The following DPYSL5 variants were observed in gnomAD, a reference collection of about 807,000 sequenced individuals.
DPYSL5 encodes the protein dihydropyrimidinase like 5.
In DPYSL5, 9 loss-of-function variants were observed where a neutral mutation model predicts 58.4. That is an observed-to-expected ratio of 0.15 (90% CI 0.09 to 0.27). DPYSL5 has a LOEUF of 0.27. DPYSL5 is among the 10% of genes least tolerant of loss of function. The probability of loss-of-function intolerance (pLI) is 1.00; values close to 1 mark genes in which losing one functional copy is unlikely to be tolerated. For missense variants in DPYSL5, 499 were observed against 770.6 expected, an observed-to-expected ratio of 0.65 and a Z score of 4.17; for synonymous variants, 293 against 301.9, an observed-to-expected ratio of 0.97 and a Z score of 0.31.
In DPYSL5 at chr2:26,905,795, C is replaced by T. The variant is rs537205462; in HGVS notation, c.261+7035C>T. Among the ~76,000 whole-genome samples the T allele has an allele frequency of 3.3e-5, 5 of 152,308 alleles. No individual in the cohort carries two copies. In the South Asian group the frequency reaches 1.0e-3, roughly 32 times the overall value. ...GGTATATTAGTTTTCTGCTGTGTAA[C>T]TAATTGCCTCAAGTTCAGCAATTTA... is the stretch of plus-strand genomic sequence containing the variant. On this transcript the variant is annotated intron_variant, in intron 2 of 12. Transcript: ENST00000288699. This position sits in a 1 kb window ranked among gnomAD's most constrained non-coding sequence, Gnocchi z 4.0.
intron 1 of DPYSL5, among the ~76,000 whole-genome samples, chr2:26,863,011 C>T (rs997812911): frequency 2.0e-5 from 3 of 152,142 alleles, no homozygotes; most frequent in Non-Finnish European, 4.4e-5. Flanking sequence ...GACCCTGTAG[C>T]ATCTGACACA....
rs1664879751 is a variant in DPYSL5, at chr2:26,928,406, T to C, written c.669+83T>C. On this transcript the variant is annotated intron_variant, in intron 5 of 12. Coordinates refer to ENST00000288699, the MANE Select transcript of DPYSL5 (RefSeq NM_020134.4). ...TCCAGGATGGAGGAGACATCAAACA[T>C]ACAAATTAGCCAGGCACAAGGGCTC... The C allele has an allele frequency of 9.5e-6, 14 of 1,473,162 alleles. No homozygotes were observed. The East Asian group carries it at 2.3e-4, about 25-fold the overall frequency. 91.3% of individuals were successfully genotyped at this position (1,473,162 alleles called of 1,614,324 possible).
At chr2:26,931,193 GTGTGTGTGTGTA>G (rs1307432041) in intron 5 of DPYSL5, among the ~76,000 whole-genome samples, 2 of 55,744 alleles carry the variant, frequency 3.6e-5, no homozygotes, top group Non-Finnish European at 8.0e-5. Flanking sequence ...GTGTGTGTGT[GTGTGTGTGTGTA>G]TATATATATA....
chr2:26,920,179 CT>C (rs59629403), intron 2 of DPYSL5, among the ~76,000 whole-genome samples: 149,051 of 151,798 alleles, frequency 0.98, 73,247 homozygotes, highest in East Asian at 1. Context: ...TATTTCATTT[CT>C]TTTTTTTTAA....
rs543091627 is a variant in DPYSL5, at chr2:26,905,479, A to T, written c.261+6719A>T. ...CCACTGTGCACCGAGTGCCCATGCT[A>T]CCTGTGTCCCTGGGCTTGGCCAGCA... is the stretch of plus-strand genomic sequence containing the variant. On this transcript the variant is annotated intron_variant, in intron 2 of 12. Transcript: ENST00000288699. This position sits in a 1 kb window ranked among gnomAD's most constrained non-coding sequence, Gnocchi z 4.0. Among the ~76,000 whole-genome samples the T allele has an allele frequency of 6.6e-6, 1 of 152,124 alleles. No individual in the cohort carries two copies. Among genetic ancestry groups the T allele is most frequent in the East Asian group, 1.9e-4 (1 of 5,164 alleles).
chr2:26,895,951 T>C (rs1325308863), intron 1 of DPYSL5, among the ~76,000 whole-genome samples: 3 of 151,840 alleles, frequency 2.0e-5, no homozygotes, highest in Non-Finnish European at 2.9e-5. Context: ...GGCTAGTTCT[T>C]GTATTTTTAG....
intron 1 of DPYSL5, among the ~76,000 whole-genome samples, chr2:26,880,140 T>C (rs575265451): frequency 2.1e-3 from 316 of 152,288 alleles, no homozygotes; most frequent in African/African-American, 7.4e-3. Context: ...TCCTCCTGCC[T>C]CAGCCTCCCC....
At chr2:26,874,657 G>C (rs1170259045) in intron 1 of DPYSL5, among the ~76,000 whole-genome samples, 1 of 152,226 alleles carries the variant, frequency 6.6e-6, no homozygotes, top group Non-Finnish European at 1.5e-5. Flanking sequence ...TAAAAAAGCA[G>C]GAGGTGTCTG....
chr2:26,901,751 C>T (rs1247976429), intron 2 of DPYSL5, among the ~76,000 whole-genome samples: 1 of 152,126 alleles, frequency 6.6e-6, no homozygotes, highest in African/African-American at 2.4e-5. Flanking sequence ...GCCCTGAACC[C>T]TGCACACAAC....
rs1219001814 is a variant in DPYSL5 at position 26,934,161 on chromosome 2, A to C, written c.791-417A>C. On this transcript the variant is annotated intron_variant, in intron 7 of 12. Transcript: ENST00000288699. The surrounding 1 kb of genome is among the most constrained non-coding windows in gnomAD (Gnocchi z 4.3). ...GCTACGGCCCTCCCTGTCCTACCAC[A>C]ACCGTTCTCTTGAAGCTGCTCACAG... Among the ~76,000 whole-genome samples, 1 of 152,018 alleles carries C rather than the reference A, an allele frequency of 6.6e-6. No individual in the cohort carries two copies. Among genetic ancestry groups the C allele is most frequent in the African/African-American group, 2.4e-5 (1 of 41,378 alleles).
At chr2:26,939,867 T>C (rs1459010641) in intron 8 of DPYSL5, 164 bp from the exon 9 acceptor site, 10 of 809,798 alleles carry the variant, frequency 1.2e-5, no homozygotes, top group South Asian at 7.0e-5. Flanking sequence ...GAGGTTCACA[T>C]AGATGCAGTA....
At chr2:26,932,085 A>AAAG (rs1244335392) in intron 6 of DPYSL5, among the ~76,000 whole-genome samples, 31 of 56,110 alleles carry the variant, frequency 5.5e-4, no homozygotes, top group Middle Eastern at 9.6e-3. Context: ...AAGAAAGAAA[A>AAAG]GAAAAAAGAA....
chr2:26,891,467 G>T (rs930029242), intron 1 of DPYSL5, among the ~76,000 whole-genome samples: 3 of 151,992 alleles, frequency 2.0e-5, no homozygotes, highest in African/African-American at 7.3e-5. Context: ...GTTAGCCTCC[G>T]GAGACTTCCA....
intron 2 of DPYSL5, among the ~76,000 whole-genome samples, chr2:26,904,229 A>G (rs747668536): frequency 3.3e-5 from 5 of 152,142 alleles, no homozygotes; most frequent in Non-Finnish European, 7.4e-5. Flanking sequence ...ATGTGCCGCT[A>G]GGACATAAAT....
In DPYSL5 at chr2:26,934,873, C is replaced by A; in HGVS notation, c.947+139C>A. ...TTGTGCTTTTCTTACCTTCTCTGAG[C>A]CCATCAGATAATTGCCATCCTATTG... On this transcript the variant is annotated intron_variant, in intron 8 of 12. Coordinates refer to ENST00000288699, the MANE Select transcript of DPYSL5 (RefSeq NM_020134.4). The surrounding 1 kb of genome is among the most constrained non-coding windows in gnomAD (Gnocchi z 4.3). The A allele has an allele frequency of 2.5e-6, 3 of 1,176,824 alleles. No homozygotes were observed. The highest frequency in any genetic ancestry group is 3.6e-6 in the Non-Finnish European group (3 of 834,022). 72.9% of individuals were successfully genotyped at this position (1,176,824 alleles called of 1,614,324 possible). A position where few individuals can be genotyped will look rare whatever the true frequency, so the allele number is the denominator to read the frequency against.
At chr2:26,931,137 TAAAAAAAAAA>T (rs61652873) in intron 5 of DPYSL5, among the ~76,000 whole-genome samples, 15 of 49,520 alleles carry the variant, frequency 3.0e-4, no homozygotes, top group African/African-American at 9.4e-4. Context: ...AGACCCTATC[TAAAAAAAAAA>T]AAAAAATATA....
chr2:26,901,844 CA>C (rs1380672877), intron 2 of DPYSL5, among the ~76,000 whole-genome samples: 1 of 127,410 alleles, frequency 7.8e-6, no homozygotes, highest in Non-Finnish European at 1.6e-5. Flanking sequence ...GAAAACAAAA[CA>C]GTTGAAAGCC....
intron 2 of DPYSL5, among the ~76,000 whole-genome samples, chr2:26,912,076 C>T (rs1015544100): frequency 1.3e-5 from 2 of 152,240 alleles, no homozygotes; most frequent in African/African-American, 4.8e-5. Context: ...CCTCTGCAAT[C>T]GGGATGCCCC....
At chr2:26,915,536 G>T (rs891162860) in intron 2 of DPYSL5, among the ~76,000 whole-genome samples, 4 of 152,100 alleles carry the variant, frequency 2.6e-5, no homozygotes, top group South Asian at 4.1e-4. Flanking sequence ...CTGACCCCTG[G>T]GCTCCCAGCC....
Sources: allele counts gnomAD v4.1 joint callset (sites outside exome capture counted in the v4.1 genomes callset), GRCh38; gene constraint gnomAD v4.1.1; non-coding constraint Gnocchi (gnomAD v3.1); transcripts MANE v1.5; gene names NCBI Gene and HGNC (gene_info 2026-07-23, HGNC 2026-07-21).